NCKAP1: variants seen among roughly 807,000 people sequenced by gnomAD.
NCKAP1 encodes nck-associated protein 1.
A neutral mutation model predicts 151.2 loss-of-function variants in NCKAP1; 21 were observed. The ratio of observed to expected loss-of-function variants is 0.14; its 90% CI spans 0.10 to 0.20. The LOEUF is 0.20. Ranked by LOEUF, NCKAP1 falls within the 10% of genes least tolerant of loss-of-function variation. NCKAP1 has a pLI of 1.00. For missense variants in NCKAP1, 933 were observed against 1,352.1 expected (o/e 0.69, Z 4.86); for synonymous variants, 484 against 451.8 (o/e 1.07, Z -0.90).
chr2:182,968,170 G>A (rs1483386521), intron 15 of NCKAP1, among the ~76,000 whole-genome samples: 1 of 152,120 alleles, frequency 6.6e-6, no homozygotes, highest in East Asian at 1.9e-4. Flanking sequence ...TCTATGTGGT[G>A]GCCAGTTTTT....
chr2:182,969,040 G>T (rs990799170), intron 15 of NCKAP1, among the ~76,000 whole-genome samples: 2 of 152,188 alleles, frequency 1.3e-5, no homozygotes, highest in African/African-American at 4.8e-5. Flanking sequence ...AGCCTAAGGA[G>T]TTTTACTTAC....
Position 182,976,965 on chromosome 2 carries a change from A to G in NCKAP1, c.1424-14T>C. On this transcript the variant is annotated splice_polypyrimidine_tract_variant and intron_variant, in intron 14 of 30. Transcript: ENST00000361354. The stretch of plus-strand genomic sequence containing the variant: ...CCCCATCTTCAACTGTAGTAATAGA[A>G]AAAAAAAAAAGATTACAAAGCAAAT... The G allele has an allele frequency of 1.5e-6, 2 of 1,294,884 alleles. No individual in the cohort carries two copies. Among genetic ancestry groups the G allele is most frequent in the Non-Finnish European group, 2.1e-6 (2 of 960,598 alleles). The allele number at this position is 1,294,884 out of a possible 1,614,324, so 80.2% of individuals were successfully genotyped here.
intron 6 of NCKAP1, among the ~76,000 whole-genome samples, chr2:182,999,490 C>T (rs1020349445): frequency 6.6e-6 from 1 of 151,838 alleles, no homozygotes; most frequent in Admixed American, 6.6e-5. Context: ...ATTAAAAAGT[C>T]AAAAAAATAA....
At chr2:182,994,268 G>T (rs1342349551) in intron 8 of NCKAP1, among the ~76,000 whole-genome samples, 1 of 152,134 alleles carries the variant, frequency 6.6e-6, no homozygotes, top group South Asian at 2.1e-4. Flanking sequence ...ATGAGCCTTG[G>T]AGTTAGGCTG....
intron 18 of NCKAP1, among the ~76,000 whole-genome samples, chr2:182,960,068 A>G (rs190627272): frequency 0.054 from 8,266 of 152,312 alleles, 299 homozygotes; most frequent in Non-Finnish European, 0.08. Context: ...ATCACTGCTC[A>G]ATGAAATAAA....
chr2:183,010,513 A>G (rs926457607), intron 2 of NCKAP1, among the ~76,000 whole-genome samples: 12 of 152,238 alleles, frequency 7.9e-5, no homozygotes, highest in African/African-American at 2.9e-4. Flanking sequence ...GTTTTAAGCC[A>G]TGAAATTTAG....
At chr2:182,967,844 T>C (rs1697605463) in intron 15 of NCKAP1, among the ~76,000 whole-genome samples, 1 of 152,136 alleles carries the variant, frequency 6.6e-6, no homozygotes, top group South Asian at 2.1e-4. Flanking sequence ...GTACTGAAGA[T>C]AGTAAAAATT....
chr2:182,930,787 A>T lies in NCKAP1; in HGVS notation c.2861T>A (p.Val954Asp). 6.2e-7 allele frequency: 1 copy of T among 1,611,736 alleles called. No individual in the cohort carries two copies. The highest frequency in any genetic ancestry group is 8.5e-7 in the Non-Finnish European group (1 of 1,178,038). ...DHIPRETDMKVAMNVYELSSA... is the reference protein window; with the variant it reads ...DHIPRETDMKDAMNVYELSSA... ...TGATAACTCATACACATTCATTGCA[A>T]CCTGATAAAAACAAAAGAATTACAG... is the stretch of plus-strand genomic sequence containing the variant. The change falls in exon 27 of 31, where the codon GTT becomes GAT. Residue 954 changes from valine (V) to aspartate (D), a missense_variant and splice_region_variant. Physicochemically the swap from Val to Asp is radical, Grantham distance 152 (BLOSUM62 -3). Transcript: ENST00000361354.
In NCKAP1 at chr2:182,923,375, C is replaced by T. The variant is rs1288853459; in HGVS notation, c.*2327G>A. 1 of 151,984 alleles carries T rather than the reference C, an allele frequency of 6.6e-6. No individual in the cohort carries two copies. The highest frequency in any genetic ancestry group is 1.5e-5 in the Non-Finnish European group (1 of 68,040). The allele number at this position is 151,984 out of a possible 1,614,324, so 9.4% of individuals were successfully genotyped here. On this transcript the variant is annotated 3_prime_UTR_variant, in exon 31 of 31. Transcript: ENST00000361354. ...GCAACCTCCTCCTTCCGGGTTCAAA[C>T]AATTCTTCCACCTCAGCCTCCCATG... is the stretch of plus-strand genomic sequence containing the variant.
chr2:182,997,097 C>A (rs1698284969), intron 6 of NCKAP1, among the ~76,000 whole-genome samples: 1 of 152,118 alleles, frequency 6.6e-6, no homozygotes, highest in Non-Finnish European at 1.5e-5. Context: ...TGTGATATTA[C>A]CTTTCTCATT....
chr2:182,942,269 G>C, intron 23 of NCKAP1, 106 bp from the exon 24 acceptor site: 1 of 777,002 alleles, frequency 1.3e-6, no homozygotes, highest in East Asian at 2.5e-5. Flanking sequence ...CACAATTCAT[G>C]AAATCCAGAC....
chr2:183,031,078 T>C (rs373967936), intron 1 of NCKAP1, among the ~76,000 whole-genome samples: 1 of 152,204 alleles, frequency 6.6e-6, no homozygotes, highest in African/African-American at 2.4e-5. Flanking sequence ...TAATGTAATT[T>C]TATCAATAAC....
At chr2:183,036,984 T>C (rs906756472) in intron 1 of NCKAP1, among the ~76,000 whole-genome samples, 4 of 152,206 alleles carry the variant, frequency 2.6e-5, no homozygotes, top group Admixed American at 1.3e-4. Flanking sequence ...TTTCCAAATA[T>C]CTCTTTTTCT....
At chr2:182,962,639 G>C (rs1056783484) in intron 17 of NCKAP1, among the ~76,000 whole-genome samples, 1 of 152,042 alleles carries the variant, frequency 6.6e-6, no homozygotes, top group Non-Finnish European at 1.5e-5. Context: ...CAGATTTAGA[G>C]TACTGTTTCC....
At chr2:182,942,208 T>C (rs1257632324) in intron 23 of NCKAP1, 45 bp from the exon 24 acceptor site, 4 of 1,431,162 alleles carry the variant, frequency 2.8e-6, no homozygotes, top group South Asian at 1.2e-5. Flanking sequence ...GACCTCTTTG[T>C]GTTAATGAGA....
chr2:183,038,034 G>A lies in NCKAP1; in HGVS notation c.66C>T (p.Asp22=). Residue 22 remains aspartate (D), a synonymous_variant, in exon 1 of 31, where the codon GAC becomes GAT. Transcript: ENST00000361354. ...KLAEKLTILN[D]RGVGMLTRLY... is the part of the protein sequence containing the mutation. Reference sequence around the variant, plus strand: ...GGCGGGTGAGCATGCCGACGCCCCGGTCGTTGAGGATGGTGAGCTTCTCCG... The same window carrying A: ...GGCGGGTGAGCATGCCGACGCCCCGATCGTTGAGGATGGTGAGCTTCTCCG... The A allele has an allele frequency of 3.8e-6, 6 of 1,586,016 alleles. No individual in the cohort carries two copies. Among genetic ancestry groups the A allele is most frequent in the South Asian group, 2.2e-5 (2 of 89,086 alleles).
chr2:182,966,375 T>C (rs1167575908), intron 16 of NCKAP1, among the ~76,000 whole-genome samples: 1 of 151,698 alleles, frequency 6.6e-6, no homozygotes, highest in Non-Finnish European at 1.5e-5. Flanking sequence ...AACCTCCGCC[T>C]CCCAGGTTCA....
chr2:183,006,730 T>C (rs1327243936), intron 2 of NCKAP1, among the ~76,000 whole-genome samples: 1 of 152,212 alleles, frequency 6.6e-6, no homozygotes, highest in Non-Finnish European at 1.5e-5. Context: ...CAAGTTTTCT[T>C]AATTCAATCA....
At chr2:182,984,566 T>TGTGTGTGTGTGTGTGTGTG (rs1324069144) in intron 10 of NCKAP1, among the ~76,000 whole-genome samples, 1 of 151,608 alleles carries the variant, frequency 6.6e-6, no homozygotes, top group Non-Finnish European at 1.5e-5. Flanking sequence ...CTACATGACC[T>TGTGTGTGTGTGTGTGTGTG]TAGGTTCCAA....
Sources: gnomAD v4.1 joint callset for allele counts (sites outside exome capture counted in the v4.1 genomes callset) on GRCh38, gnomAD v4.1.1 for gene constraint, MANE v1.5 for transcripts, NCBI Gene and HGNC (gene_info 2026-07-23, HGNC 2026-07-21) for gene names.